The following CFTR variants were observed in gnomAD, a reference collection of about 807,000 sequenced individuals.
CFTR encodes cystic fibrosis transmembrane conductance regulator.
In CFTR, 181 loss-of-function variants were observed where a neutral mutation model predicts 171.6. The observed-to-expected ratio is 1.05, with a 90% CI of 0.93 to 1.19. CFTR has a LOEUF of 1.19. Among genes scored for constraint, CFTR ranks in the 50% most tolerant of loss-of-function variants. The pLI is 0.00. For synonymous variants in CFTR, 583 were observed against 608.0 expected (o/e 0.96, Z 0.60); for missense variants, 1,968 against 1,734.7 (o/e 1.13, Z -2.39).
chr7:117,559,437 C>G, intron 10 of CFTR, 27 bp from the exon 11 acceptor site: 1 of 1,445,260 alleles, frequency 6.9e-7, no homozygotes, highest in Non-Finnish European at 9.7e-7. Context: ...TTGATAATGA[C>G]CTAATAATGA....
At chr7:117,582,898 T>C (rs1016664691) in intron 11 of CFTR, among the ~76,000 whole-genome samples, 3 of 152,132 alleles carry the variant, frequency 2.0e-5, no homozygotes, top group African/African-American at 7.2e-5. Context: ...TTCCATTCGA[T>C]CTGAGTGTGC....
At chr7:117,661,165 G>A (rs1052447851) in intron 24 of CFTR, among the ~76,000 whole-genome samples, 2 of 152,100 alleles carry the variant, frequency 1.3e-5, no homozygotes, top group Admixed American at 1.3e-4. Context: ...TTTCTTAAAT[G>A]TTTACTGACT....
chr7:117,599,733 A>G (rs1792193235), intron 15 of CFTR, among the ~76,000 whole-genome samples: 1 of 152,150 alleles, frequency 6.6e-6, no homozygotes. Flanking sequence ...TTATACAACT[A>G]AACAATTCAT....
At chr7:117,533,225 A>G (rs1798891311) in intron 4 of CFTR, among the ~76,000 whole-genome samples, 1 of 151,966 alleles carries the variant, frequency 6.6e-6, no homozygotes, top group African/African-American at 2.4e-5. Context: ...GATTTCCCCC[A>G]CTTCATATTG....
chr7:117,620,296 AG>A, intron 21 of CFTR, among the ~76,000 whole-genome samples: 1 of 152,216 alleles, frequency 6.6e-6, no homozygotes. Context: ...AGCCTCCTTG[AG>A]GGTCTTATTT....
intron 18 of CFTR, among the ~76,000 whole-genome samples, chr7:117,608,152 T>A (rs1035075222): frequency 6.2e-4 from 94 of 152,146 alleles, no homozygotes; most frequent in African/African-American, 2.2e-3. Flanking sequence ...ATTTTTGACA[T>A]ATGTGATGGC....
In CFTR at chr7:117,611,656, C is replaced by A. The variant is rs1792389191; in HGVS notation, c.3215C>A (p.Pro1072His). 7 of 1,613,484 alleles carry A rather than the reference C, an allele frequency of 4.3e-6. No individual in the cohort carries two copies. The highest frequency in any genetic ancestry group is 5.9e-6 in the Non-Finnish European group (7 of 1,179,770). The change falls in exon 20 of 27, where the codon CCT (proline) becomes CAT (histidine). Residue 1072 changes from proline to histidine, a missense_variant. By Grantham distance (77) the Pro-to-His change is moderately conservative. Transcript: ENST00000003084. Reference sequence around the variant, plus strand: ...ACACTTCGTGCCTTCGGACGGCAGCCTTACTTTGAAACTCTGTTCCACAAA... The same window carrying A: ...ACACTTCGTGCCTTCGGACGGCAGCATTACTTTGAAACTCTGTTCCACAAA... Reference protein sequence around the residue: ...LWTLRAFGRQPYFETLFHKAL... With the variant: ...LWTLRAFGRQHYFETLFHKAL...
In CFTR at chr7:117,559,559, G is replaced by T; in HGVS notation, c.1488G>T (p.Trp496Cys). Residue 496 changes from tryptophan to cysteine, a missense_variant, in exon 11 of 27, where the codon TGG becomes TGT. By Grantham distance (215) the Trp-to-Cys change is radical. Coordinates refer to ENST00000003084, the MANE Select transcript of CFTR (RefSeq NM_000492.4). ...GRISFCSQFSWIMPGTIKENI... is the reference protein window; with the variant it reads ...GRISFCSQFSCIMPGTIKENI... ...TTTCATTCTGTTCTCAGTTTTCCTG[G>T]ATTATGCCTGGCACCATTAAAGAAA... 6.2e-7 allele frequency: 1 copy of T among 1,612,162 alleles called. No homozygotes were observed. The highest frequency in any genetic ancestry group is 1.1e-5 in the South Asian group (1 of 91,038).
At chr7:117,585,096 CT>C in intron 11 of CFTR, among the ~76,000 whole-genome samples, 1 of 151,896 alleles carries the variant, frequency 6.6e-6, no homozygotes, top group African/African-American at 2.4e-5. Flanking sequence ...TATTCTTGTC[CT>C]TTTTTCCCGC....
chr7:117,612,229 G>A (rs1030532343), intron 20 of CFTR, among the ~76,000 whole-genome samples: 18 of 105,486 alleles, frequency 1.7e-4, no homozygotes, highest in African/African-American at 3.3e-4. Context: ...TGAAACATCC[G>A]CATTTACACA....
intron 11 of CFTR, among the ~76,000 whole-genome samples, chr7:117,584,393 T>TTGGC (rs1222101941): frequency 1.3e-5 from 2 of 152,208 alleles, no homozygotes; most frequent in African/African-American, 4.8e-5. Context: ...TACGTGTGGC[T>TTGGC]TGCCAGTTTT....
chr7:117,538,617 C>T (rs981419009), intron 7 of CFTR, among the ~76,000 whole-genome samples: 3 of 152,176 alleles, frequency 2.0e-5, no homozygotes, highest in Admixed American at 6.5e-5. Context: ...AAAGGACACA[C>T]ATTGTAAATT....
At chr7:117,526,210 A>C (rs1381680706) in intron 3 of CFTR, among the ~76,000 whole-genome samples, 1 of 151,372 alleles carries the variant, frequency 6.6e-6, no homozygotes, top group Non-Finnish European at 1.5e-5. Context: ...TAAGAATCTC[A>C]CTCAAAGCCG....
chr7:117,533,393 C>T (rs1179387619), intron 4 of CFTR, among the ~76,000 whole-genome samples: 1 of 152,084 alleles, frequency 6.6e-6, no homozygotes, highest in Non-Finnish European at 1.5e-5. Context: ...TTTAACTACC[C>T]TATTACTTTC....
intron 1 of CFTR, 146 bp downstream of exon 1, chr7:117,480,293 T>C (rs1797982141): frequency 2.6e-6 from 2 of 770,964 alleles, no homozygotes; most frequent in South Asian, 2.8e-5. Context: ...ATGTGGGTAT[T>C]GTAGAATAAA....
At chr7:117,652,564 A>G (rs952038732) in intron 23 of CFTR, among the ~76,000 whole-genome samples, 23 of 152,242 alleles carry the variant, frequency 1.5e-4, no homozygotes, top group Middle Eastern at 3.4e-3. Context: ...ATATTCTACA[A>G]TTAACAATTA....
intron 2 of CFTR, among the ~76,000 whole-genome samples, chr7:117,507,619 G>A (rs1798441994): frequency 6.6e-6 from 1 of 152,184 alleles, no homozygotes; most frequent in African/African-American, 2.4e-5. Context: ...CTCTGTGTGT[G>A]AGAGAAAGGT....
chr7:117,508,639 T>C (rs897832882), intron 2 of CFTR, among the ~76,000 whole-genome samples: 1 of 152,226 alleles, frequency 6.6e-6, no homozygotes, highest in Admixed American at 6.5e-5. Context: ...TCTAAACCAA[T>C]AAAGATCAAG....
chr7:117,607,105 C>A (rs553338725), intron 18 of CFTR, among the ~76,000 whole-genome samples: 3 of 152,100 alleles, frequency 2.0e-5, no homozygotes, highest in African/African-American at 4.8e-5. Context: ...AACCTCCCCC[C>A]AAAAGGCCTG....
Sources: allele counts gnomAD v4.1 joint callset (sites outside exome capture counted in the v4.1 genomes callset), GRCh38; gene constraint gnomAD v4.1.1; transcripts MANE v1.5; gene names NCBI Gene and HGNC (gene_info 2026-07-23, HGNC 2026-07-21).